NAA30: variants seen among roughly 807,000 people sequenced by gnomAD.
NAA30 encodes N-alpha-acetyltransferase 30, NatC catalytic subunit.
NAA30 carries 5 observed loss-of-function variants against 31.4 expected under a neutral mutation model. The observed-to-expected ratio is 0.16, with a 90% CI of 0.08 to 0.33. NAA30 has a LOEUF of 0.33. Ranked by LOEUF, NAA30 falls within the 10% of genes least tolerant of loss-of-function variation. The pLI, the probability that NAA30 is intolerant of heterozygous loss-of-function variation, is 1.00. For missense variants in NAA30, 428 were observed against 490.8 expected, an observed-to-expected ratio of 0.87 and a Z score of 1.21; for synonymous variants, 222 against 207.1, an observed-to-expected ratio of 1.07 and a Z score of -0.62.
At chr14:57,390,747 T>C in intron 1 of NAA30, 42 bp downstream of exon 1, 1 of 395,950 alleles carries the variant, frequency 2.5e-6, no homozygotes, top group Non-Finnish European at 4.1e-6. Context: ...GGCTGGCGGG[T>C]GGGCCCGGGC....
In NAA30 at chr14:57,412,319, T is replaced by G. The variant is rs2066527245; in HGVS notation, c.*2803T>G. On this transcript the variant is annotated 3_prime_UTR_variant, in exon 5 of 5. Transcript: ENST00000556492. ...AAATCTATGTAAAGCAGTTTGTTTT[T>G]TCATGTTTTAACTTTACCTTGCCCT... 6.6e-6 allele frequency: 1 copy of G among 152,190 alleles called. No homozygotes were observed. Among genetic ancestry groups the G allele is most frequent in the Admixed American group, 6.5e-5 (1 of 15,286 alleles). The allele number at this position is 152,190 out of a possible 1,614,324, so 9.4% of individuals were successfully genotyped here. A position where few individuals can be genotyped will look rare whatever the true frequency, so the allele number is the denominator to read the frequency against.
rs1471286611 is a variant in NAA30 at position 57,412,766 on chromosome 14, G to GA, written c.*3251dup. 6.6e-6 allele frequency: 1 copy of GA among 152,118 alleles called. No individual in the cohort carries two copies. Among genetic ancestry groups the GA allele is most frequent in the African/African-American group, 2.4e-5 (1 of 41,434 alleles). 9.4% of individuals were successfully genotyped at this position (152,118 alleles called of 1,614,324 possible). A position where few individuals can be genotyped will look rare whatever the true frequency, so the allele number is the denominator to read the frequency against. ...AAGTTGTGTTTGCATTTTTCTTTTA[G>GA]ATACAGCTGTGTGCATTTTATGATT... On this transcript the variant is annotated 3_prime_UTR_variant, in exon 5 of 5. Coordinates refer to ENST00000556492, the MANE Select transcript of NAA30 (RefSeq NM_001011713.3).
chr14:57,394,464 C>A lies in NAA30; in HGVS notation c.772-2288C>A, dbSNP rs187964667. Among the ~76,000 whole-genome samples the A allele has an allele frequency of 2.0e-3, 310 of 152,018 alleles. 1 individual carries two copies. The highest frequency in any genetic ancestry group is 6.7e-3 in the African/African-American group (280 of 41,484). On this transcript the variant is annotated intron_variant, in intron 2 of 4. Coordinates refer to ENST00000556492, the MANE Select transcript of NAA30 (RefSeq NM_001011713.3). Reference sequence around the variant, plus strand: ...AAAAATACATTTAATAGCGTGAATTCCAAATGTATATGCAGAGCTTTTATT... The same window carrying A: ...AAAAATACATTTAATAGCGTGAATTACAAATGTATATGCAGAGCTTTTATT...
Position 57,415,651 on chromosome 14 carries a change from A to C in NAA30, c.*6135A>C, listed in dbSNP as rs2066543936. 1 of 152,194 alleles carries C rather than the reference A, an allele frequency of 6.6e-6. No individual in the cohort carries two copies. Among genetic ancestry groups the C allele is most frequent in the Non-Finnish European group, 1.5e-5 (1 of 68,028 alleles). 9.4% of individuals were successfully genotyped at this position (152,194 alleles called of 1,614,324 possible). A position where few individuals can be genotyped will look rare whatever the true frequency, so the allele number is the denominator to read the frequency against. ...TTTAAGATATAAAGTAATTGCTAAAATTTGTGAACTACTCAGAGGACTCAA... is the reference window on the plus strand; with the variant it reads ...TTTAAGATATAAAGTAATTGCTAAACTTTGTGAACTACTCAGAGGACTCAA... On this transcript the variant is annotated 3_prime_UTR_variant, in exon 5 of 5. Coordinates refer to ENST00000556492, the MANE Select transcript of NAA30 (RefSeq NM_001011713.3).
Position 57,410,893 on chromosome 14 carries a change from A to C in NAA30, c.*1377A>C, listed in dbSNP as rs1433708447. On this transcript the variant is annotated 3_prime_UTR_variant, in exon 5 of 5. Transcript: ENST00000556492. ...TAGGTACCCATAAGAAAAAAGATTC[A>C]TTCTCTGTGAAAACTGTAGGAATCT... is the stretch of plus-strand genomic sequence containing the variant. 6.6e-6 allele frequency: 1 copy of C among 152,576 alleles called. No homozygotes were observed. Among genetic ancestry groups the C allele is most frequent in the African/African-American group, 2.4e-5 (1 of 41,448 alleles). 9.5% of individuals were successfully genotyped at this position (152,576 alleles called of 1,614,324 possible). A position where few individuals can be genotyped will look rare whatever the true frequency, so the allele number is the denominator to read the frequency against.
In NAA30 at chr14:57,410,957, A is replaced by G. The variant is rs911956037; in HGVS notation, c.*1441A>G. ...TTTGAATATGCTCTACTTCTGCTCT[A>G]GTATTTGGTTTGGAATATATTTTGT... On this transcript the variant is annotated 3_prime_UTR_variant, in exon 5 of 5. Transcript: ENST00000556492. 2.6e-5 allele frequency: 4 copies of G among 152,096 alleles called. No individual in the cohort carries two copies. The highest frequency in any genetic ancestry group is 2.0e-4 in the Admixed American group (3 of 15,202). The allele number at this position is 152,096 out of a possible 1,614,324, so 9.4% of individuals were successfully genotyped here. A position where few individuals can be genotyped will look rare whatever the true frequency, so the allele number is the denominator to read the frequency against.
Position 57,415,876 on chromosome 14 carries a change from CAAATA to C in NAA30, c.*6370_*6374del, listed in dbSNP as rs895922364. 119 of 151,976 alleles carry C rather than the reference CAAATA, an allele frequency of 7.8e-4. No individual in the cohort carries two copies. The highest frequency in any genetic ancestry group is 2.4e-3 in the African/African-American group (101 of 41,452). The allele number at this position is 151,976 out of a possible 1,614,324, so 9.4% of individuals were successfully genotyped here. Reference sequence around the variant, plus strand: ...GTTATACTTGATTTCTTTGTGAATGCAAATAAAATAAAATTTGTAAGTCCACCAAA... The same window carrying C: ...GTTATACTTGATTTCTTTGTGAATGCAAATAAAATTTGTAAGTCCACCAAA... On this transcript the variant is annotated 3_prime_UTR_variant, in exon 5 of 5. Coordinates refer to ENST00000556492, the MANE Select transcript of NAA30 (RefSeq NM_001011713.3).
intron 4 of NAA30, among the ~76,000 whole-genome samples, chr14:57,403,190 T>C (rs920559611): frequency 7.2e-6 from 1 of 139,048 alleles, no homozygotes; most frequent in African/African-American, 2.7e-5. Flanking sequence ...AAGAAAGAGA[T>C]ACATTTGGAA....
chr14:57,402,955 C>A (rs974780252), intron 4 of NAA30, among the ~76,000 whole-genome samples: 12 of 152,266 alleles, frequency 7.9e-5, no homozygotes, highest in East Asian at 1.9e-4. Flanking sequence ...CCAAGGCTGG[C>A]GGATCACTTG....
chr14:57,392,220 T>C (rs1352840581), intron 2 of NAA30, among the ~76,000 whole-genome samples: 1 of 152,140 alleles, frequency 6.6e-6, no homozygotes, highest in Non-Finnish European at 1.5e-5. Context: ...CTTACAAGCA[T>C]TTTCGGTAAT....
Position 57,399,018 on chromosome 14 carries a change from C to T in NAA30, c.896-810C>T, listed in dbSNP as rs541120504. Among the ~76,000 whole-genome samples, 8 of 150,942 alleles carry T rather than the reference C, an allele frequency of 5.3e-5. No individual in the cohort carries two copies. The South Asian group carries it at 8.4e-4, about 16-fold the overall frequency. On this transcript the variant is annotated intron_variant, in intron 3 of 4. Transcript: ENST00000556492. Reference sequence around the variant, plus strand: ...CTGGGATTACAGGCGTGAGCCACCACGCCTGGCCAATTTTTTGTATTTTTA... The same window carrying T: ...CTGGGATTACAGGCGTGAGCCACCATGCCTGGCCAATTTTTTGTATTTTTA...
chr14:57,392,051 A>G (rs957437882), intron 2 of NAA30, among the ~76,000 whole-genome samples: 1 of 152,162 alleles, frequency 6.6e-6, no homozygotes, highest in East Asian at 1.9e-4. Flanking sequence ...CGCATCCTCA[A>G]ACACTTTACA....
At chr14:57,399,920 G>C (rs779435513) in intron 4 of NAA30, 37 bp downstream of exon 4, 2 of 958,502 alleles carry the variant, frequency 2.1e-6, no homozygotes, top group African/African-American at 3.2e-5. Context: ...TTTTATCTGG[G>C]CATTATTCTT....
rs777279994 is a variant in NAA30, at chr14:57,391,632, C to G, written c.675C>G (p.Pro225=). 7 of 1,614,200 alleles carry G rather than the reference C, an allele frequency of 4.3e-6. No homozygotes were observed. In the East Asian group the frequency reaches 1.1e-4, roughly 26 times the overall value. Residue 225 remains proline (P), a synonymous_variant, in exon 2 of 5, where the codon CCC becomes CCG. Coordinates refer to ENST00000556492, the MANE Select transcript of NAA30 (RefSeq NM_001011713.3). The surrounding 1 kb of genome is among the most constrained non-coding windows in gnomAD (Gnocchi z 4.1). ...GATATGAATCCGAGCTACAAATGCC[C>G]GATATCATGAGACTGATCACCAAAG... ...YVRYESELQM[P]DIMRLITKDL... is the part of the protein sequence containing the mutation.
chr14:57,391,405 G>C lies in NAA30; in HGVS notation c.448G>C (p.Val150Leu). The stretch of plus-strand genomic sequence containing the variant: ...CCTCTCTAGTAATGCAAGAACTGCG[G>C]TCCCCAGCCCGGTGGAGGCAGCGGC... ...HSLSSNARTA[V>L]PSPVEAAAAS... Residue 150 changes from valine (V) to leucine (L), a missense_variant, in exon 2 of 5, where the codon GTC becomes CTC. Around this residue, in one of 2 missense-constraint regions of NAA30, gnomAD observed 349 missense variants for 310.4 expected, o/e 1.12. Coordinates refer to ENST00000556492, the MANE Select transcript of NAA30 (RefSeq NM_001011713.3). This position sits in a 1 kb window ranked among gnomAD's most constrained non-coding sequence, Gnocchi z 4.1. 3.1e-6 allele frequency: 5 copies of C among 1,607,928 alleles called. No homozygotes were observed. The highest frequency in any genetic ancestry group is 4.2e-6 in the Non-Finnish European group (5 of 1,177,366).
In NAA30 at chr14:57,391,384, T is replaced by G. The variant is rs756250177; in HGVS notation, c.427T>G (p.Ser143Ala). ...HSGERPPHSL[S>A]SNARTAVPSP... ...GGGCGAGAGGCCCCCTCACTCCCTCTCTAGTAATGCAAGAACTGCGGTCCC... is the reference window on the plus strand; with the variant it reads ...GGGCGAGAGGCCCCCTCACTCCCTCGCTAGTAATGCAAGAACTGCGGTCCC... The change falls in exon 2 of 5, where the codon TCT (serine) becomes GCT (alanine). Residue 143 changes from serine (S) to alanine (A), a missense_variant. By Grantham distance (99) the Ser-to-Ala change is moderately conservative (BLOSUM62 1). Around this residue, in one of 2 missense-constraint regions of NAA30, gnomAD observed 349 missense variants for 310.4 expected, o/e 1.12. Transcript: ENST00000556492. The surrounding 1 kb of genome is among the most constrained non-coding windows in gnomAD (Gnocchi z 4.1). 3.1e-6 allele frequency: 5 copies of G among 1,609,952 alleles called. No homozygotes were observed. The highest frequency in any genetic ancestry group is 3.4e-6 in the Non-Finnish European group (4 of 1,178,588).
chr14:57,409,635 A>C lies in NAA30; in HGVS notation c.*119A>C, dbSNP rs1055312235. The C allele has an allele frequency of 1.0e-5, 10 of 957,760 alleles. No individual in the cohort carries two copies. The South Asian group carries it at 2.3e-4, about 22-fold the overall frequency. 59.3% of individuals were successfully genotyped at this position (957,760 alleles called of 1,614,324 possible). A position where few individuals can be genotyped will look rare whatever the true frequency, so the allele number is the denominator to read the frequency against. ...AATTTCCATGCAGCTCTTACCTGTC[A>C]GTGTCTCATTGAGTGTCGCACAATA... On this transcript the variant is annotated 3_prime_UTR_variant, in exon 5 of 5. Transcript: ENST00000556492.
Position 57,391,279 on chromosome 14 carries a change from G to A in NAA30, c.322G>A (p.Val108Ile). ...CTCCCTCAAGAGCAAGGTCCTGAGCGTAGCAGAGGTGGCCGCGACCACAGC... is the reference window on the plus strand; with the variant it reads ...CTCCCTCAAGAGCAAGGTCCTGAGCATAGCAGAGGTGGCCGCGACCACAGC... ...AASLKSKVLS[V>I]AEVAATTATP... The change falls in exon 2 of 5, where the codon GTA (valine) becomes ATA (isoleucine). Residue 108 changes from valine to isoleucine, a missense_variant. Val to Ile is a conservative substitution (Grantham distance 29, BLOSUM62 3). Transcript: ENST00000556492. The surrounding 1 kb of genome is among the most constrained non-coding windows in gnomAD (Gnocchi z 4.1). The A allele has an allele frequency of 6.2e-7, 1 of 1,610,912 alleles. No individual in the cohort carries two copies. The highest frequency in any genetic ancestry group is 8.5e-7 in the Non-Finnish European group (1 of 1,179,038).
chr14:57,391,381 C>G lies in NAA30; in HGVS notation c.424C>G (p.Leu142Val). 1.2e-6 allele frequency: 2 copies of G among 1,610,386 alleles called. No homozygotes were observed. The highest frequency in any genetic ancestry group is 1.7e-6 in the Non-Finnish European group (2 of 1,178,732). The change falls in exon 2 of 5, where the codon CTC becomes GTC. Residue 142 changes from leucine (L) to valine (V), a missense_variant. Physicochemically the swap from Leu to Val is conservative, Grantham distance 32. Coordinates refer to ENST00000556492, the MANE Select transcript of NAA30 (RefSeq NM_001011713.3). The surrounding 1 kb of genome is among the most constrained non-coding windows in gnomAD (Gnocchi z 4.1). Reference protein sequence around the residue: ...VHSGERPPHSLSSNARTAVPS... With the variant: ...VHSGERPPHSVSSNARTAVPS... ...CTCGGGCGAGAGGCCCCCTCACTCC[C>G]TCTCTAGTAATGCAAGAACTGCGGT...
Sources: gnomAD v4.1 joint callset for allele counts (sites outside exome capture counted in the v4.1 genomes callset) on GRCh38, gnomAD v4.1.1 for gene constraint, gnomAD v4.1.1 regional missense constraint, Gnocchi (gnomAD v3.1) non-coding constraint, MANE v1.5 for transcripts, NCBI Gene and HGNC (gene_info 2026-07-23, HGNC 2026-07-21) for gene names.